Variants in GRIA1 observed in about 807,000 individuals in gnomAD.
The protein encoded by GRIA1 is glutamate receptor 1.
GRIA1 carries 31 observed loss-of-function variants against 99.2 expected under a neutral mutation model. That is an observed-to-expected ratio of 0.31 (90% CI 0.23 to 0.42). GRIA1 has a LOEUF of 0.42. GRIA1 is among the 10% of genes least tolerant of loss of function. The pLI, the probability that GRIA1 is intolerant of heterozygous loss-of-function variation, is 1.00. For synonymous variants in GRIA1, 438 were observed against 432.4 expected, an observed-to-expected ratio of 1.01 and a Z score of -0.16; for missense variants, 782 against 1,157.5, an observed-to-expected ratio of 0.68 and a Z score of 4.71.
chr5:153,679,697 A>G (rs554858787), intron 7 of GRIA1, among the ~76,000 whole-genome samples: 1 of 152,308 alleles, frequency 6.6e-6, no homozygotes, highest in East Asian at 1.9e-4. Context: ...GTAAATCCTG[A>G]TGGTATCCAG....
chr5:153,778,192 A>AGAGAGT (rs1322249458), intron 13 of GRIA1, among the ~76,000 whole-genome samples: 1 of 37,310 alleles, frequency 2.7e-5, no homozygotes. Context: ...AGAGAGAGAG[A>AGAGAGT]GTGTGTGTGT....
At chr5:153,530,864 C>T (rs1399135342) in intron 2 of GRIA1, among the ~76,000 whole-genome samples, 5 of 152,236 alleles carry the variant, frequency 3.3e-5, no homozygotes, top group Non-Finnish European at 7.3e-5. Context: ...AGTTACTGAA[C>T]ACCTATGATG....
chr5:153,618,981 A>G (rs574202282), intron 2 of GRIA1, among the ~76,000 whole-genome samples: 2 of 152,348 alleles, frequency 1.3e-5, no homozygotes, highest in East Asian at 3.9e-4. Context: ...CCATTTCCTG[A>G]CAATGCTAAT....
At chr5:153,635,850 A>C (rs908367513) in intron 2 of GRIA1, among the ~76,000 whole-genome samples, 3 of 152,208 alleles carry the variant, frequency 2.0e-5, no homozygotes, top group African/African-American at 7.2e-5. Context: ...CTCCTCTGCC[A>C]TCTCATCAGA....
chr5:153,757,807 G>T (rs1762927712), intron 11 of GRIA1, among the ~76,000 whole-genome samples: 1 of 152,104 alleles, frequency 6.6e-6, no homozygotes, highest in African/African-American at 2.4e-5. Context: ...CTTAAAGAGA[G>T]TTTTTCAAAC....
chr5:153,690,483 G>A (rs1333361014), intron 8 of GRIA1, among the ~76,000 whole-genome samples: 1 of 152,076 alleles, frequency 6.6e-6, no homozygotes, highest in Non-Finnish European at 1.5e-5. Flanking sequence ...TCACTGTCAG[G>A]ATTGAATAAG....
intron 2 of GRIA1, among the ~76,000 whole-genome samples, chr5:153,559,306 C>G (rs2149350381): frequency 6.6e-6 from 1 of 152,244 alleles, no homozygotes; most frequent in Non-Finnish European, 1.5e-5. Flanking sequence ...TGTTCATTAA[C>G]TTCTCTCCCT....
At chr5:153,516,437 G>T (rs1216867790) in intron 2 of GRIA1, among the ~76,000 whole-genome samples, 1 of 151,940 alleles carries the variant, frequency 6.6e-6, no homozygotes, top group East Asian at 1.9e-4. Flanking sequence ...GGGGGAAAGA[G>T]AGTAGTTGAT....
chr5:153,579,271 T>C (rs1386850338), intron 2 of GRIA1, among the ~76,000 whole-genome samples: 1 of 152,256 alleles, frequency 6.6e-6, no homozygotes, highest in Non-Finnish European at 1.5e-5. Context: ...AGATACTTTA[T>C]ATTTATGTTC....
At chr5:153,728,023 A>T (rs907003427) in intron 11 of GRIA1, among the ~76,000 whole-genome samples, 26 of 151,432 alleles carry the variant, frequency 1.7e-4, no homozygotes, top group African/African-American at 5.1e-4. Flanking sequence ...TGGTACTGGT[A>T]CCAAAACAGA....
At chr5:153,491,735 C>T (rs1753937823) in intron 1 of GRIA1, among the ~76,000 whole-genome samples, 1 of 152,146 alleles carries the variant, frequency 6.6e-6, no homozygotes, top group South Asian at 2.1e-4. Flanking sequence ...CCTTTCTCCT[C>T]CTGTTGGCTC....
chr5:153,623,057 A>G (rs1383564889), intron 2 of GRIA1, among the ~76,000 whole-genome samples: 2 of 152,214 alleles, frequency 1.3e-5, no homozygotes, highest in Non-Finnish European at 1.5e-5. Context: ...AGTAAGTGAT[A>G]GTGTTGGGAT....
At chr5:153,690,873 G>A (rs1167534903) in intron 8 of GRIA1, among the ~76,000 whole-genome samples, 1 of 152,110 alleles carries the variant, frequency 6.6e-6, no homozygotes, top group East Asian at 1.9e-4. Context: ...GTGGCTTCAG[G>A]CTTTTTACTC....
rs535907795 is a variant in GRIA1 at position 153,499,137 on chromosome 5, T to C, written c.220+5072T>C. ...TGAAGACCTACTATGTGCCAAATACTTTGCAGATGTTGTCTTAAGTTTTAT... is the reference window on the plus strand; with the variant it reads ...TGAAGACCTACTATGTGCCAAATACCTTGCAGATGTTGTCTTAAGTTTTAT... On this transcript the variant is annotated intron_variant, in intron 2 of 15. Transcript: ENST00000285900. Among the ~76,000 whole-genome samples, 12 of 152,332 alleles carry C rather than the reference T, an allele frequency of 7.9e-5. 2 individuals are homozygous for C. In the South Asian group the frequency reaches 2.5e-3, roughly 32 times the overall value.
intron 2 of GRIA1, among the ~76,000 whole-genome samples, chr5:153,594,794 A>T (rs931103149): frequency 4.6e-5 from 7 of 151,662 alleles, no homozygotes; most frequent in Admixed American, 4.6e-4. Flanking sequence ...TCTTCTTCAG[A>T]GTCCACCCCC....
chr5:153,600,118 G>T (rs1440826156), intron 2 of GRIA1, among the ~76,000 whole-genome samples: 1 of 151,946 alleles, frequency 6.6e-6, no homozygotes, highest in African/African-American at 2.4e-5. Flanking sequence ...TGGACCCGGC[G>T]CGGTGGCTCA....
At chr5:153,795,530 G>A (rs1472180603) in intron 14 of GRIA1, 1 of 1,613,222 alleles carries the variant, frequency 6.2e-7, no homozygotes, top group Admixed American at 1.7e-5. Flanking sequence ...TCTTAGACAA[G>A]CTGAAAAGCA....
Position 153,774,783 on chromosome 5 carries a change from C to T in GRIA1, c.2270+4368C>T, listed in dbSNP as rs1257454841. Reference sequence around the variant, plus strand: ...GGCCCAAATGTTCCTCCAAAACTTGCCAAGTCTACTTGGCAGAAGCCAGGC... The same window carrying T: ...GGCCCAAATGTTCCTCCAAAACTTGTCAAGTCTACTTGGCAGAAGCCAGGC... On this transcript the variant is annotated intron_variant, in intron 13 of 15. Coordinates refer to ENST00000285900, the MANE Select transcript of GRIA1 (RefSeq NM_000827.4). Among the ~76,000 whole-genome samples the T allele has an allele frequency of 1.3e-5, 2 of 152,232 alleles. 1 individual carries two copies. The highest frequency in any genetic ancestry group is 4.1e-4 in the South Asian group (2 of 4,830).
chr5:153,769,400 T>C (rs1027150359), intron 12 of GRIA1, among the ~76,000 whole-genome samples: 2 of 152,004 alleles, frequency 1.3e-5, no homozygotes, highest in Admixed American at 6.6e-5. Flanking sequence ...GGAACTGAGG[T>C]GGACTCCAAA....
Sources: allele counts gnomAD v4.1 joint callset (sites outside exome capture counted in the v4.1 genomes callset), GRCh38; gene constraint gnomAD v4.1.1; transcripts MANE v1.5; gene names NCBI Gene and HGNC (gene_info 2026-07-23, HGNC 2026-07-21).